The following AP5M1 variants were observed in gnomAD, a reference collection of about 807,000 sequenced individuals.
AP5M1 encodes AP-5 complex subunit mu-1.
In AP5M1, 44 loss-of-function variants were observed where a neutral mutation model predicts 52.3. The observed-to-expected ratio is 0.84, with a 90% CI of 0.66 to 1.08. AP5M1 has a LOEUF of 1.08. Ranked by LOEUF, AP5M1 falls within the 50% of genes least tolerant of loss-of-function variation. The pLI is 0.00. For synonymous variants in AP5M1, 213 were observed against 199.0 expected (o/e 1.07, Z -0.59); for missense variants, 526 against 568.4 (o/e 0.93, Z 0.76).
chr14:57,281,496 C>G (rs554974363), intron 3 of AP5M1, among the ~76,000 whole-genome samples: 1 of 152,312 alleles, frequency 6.6e-6, no homozygotes, highest in Admixed American at 6.5e-5. Flanking sequence ...TTAGTATCAG[C>G]CTGTACTCAA....
At chr14:57,277,560 T>C (rs922852302) in intron 2 of AP5M1, among the ~76,000 whole-genome samples, 1 of 152,086 alleles carries the variant, frequency 6.6e-6, no homozygotes, top group Non-Finnish European at 1.5e-5. Flanking sequence ...TTATTATTAA[T>C]GTGACTGACA....
In AP5M1 at chr14:57,286,073, G is replaced by A. The variant is rs1009157158; in HGVS notation, c.1294-150G>A. On this transcript the variant is annotated intron_variant, in intron 6 of 7. Transcript: ENST00000261558. ...TGTGTTTTTGTATATATATGTGTGCGCACACACACAATTCAAGTTTAGTAC... is the reference window on the plus strand; with the variant it reads ...TGTGTTTTTGTATATATATGTGTGCACACACACACAATTCAAGTTTAGTAC... 46 of 596,138 alleles carry A rather than the reference G, an allele frequency of 7.7e-5. 1 individual carries two copies. The highest frequency in any genetic ancestry group is 5.7e-4 in the South Asian group (28 of 48,982). The allele number at this position is 596,138 out of a possible 1,614,324, so 36.9% of individuals were successfully genotyped here.
chr14:57,283,170 C>T lies in AP5M1; in HGVS notation c.1233C>T (p.Ala411=). 1 of 1,613,730 alleles carries T rather than the reference C, an allele frequency of 6.2e-7. No homozygotes were observed. The highest frequency in any genetic ancestry group is 1.1e-5 in the South Asian group (1 of 90,988). The change falls in exon 6 of 8, where the codon GCC becomes GCT. Residue 411 remains alanine (A), a synonymous_variant. Coordinates refer to ENST00000261558, the MANE Select transcript of AP5M1 (RefSeq NM_018229.4). ...ISLSGTVTFG[A]KSHEKQPFDP... ...TTTCTGGAACTGTAACTTTTGGAGCCAAGAGCCATGAGAAGCAGCCATTTG... is the reference window on the plus strand; with the variant it reads ...TTTCTGGAACTGTAACTTTTGGAGCTAAGAGCCATGAGAAGCAGCCATTTG...
At chr14:57,270,945 A>G (rs1446938015) in intron 1 of AP5M1, among the ~76,000 whole-genome samples, 1 of 152,240 alleles carries the variant, frequency 6.6e-6, no homozygotes, top group African/African-American at 2.4e-5. Context: ...GATGATGGAA[A>G]GGAGAAATGT....
intron 1 of AP5M1, among the ~76,000 whole-genome samples, chr14:57,270,895 T>C (rs1884881008): frequency 6.6e-6 from 1 of 152,228 alleles, no homozygotes; most frequent in African/African-American, 2.4e-5. Context: ...CATGATACTT[T>C]GTGTTCATCT....
chr14:57,294,696 AAC>A lies in AP5M1; in HGVS notation c.*5818_*5819del, dbSNP rs1885513699. 6.6e-6 allele frequency: 1 copy of A among 151,930 alleles called. No individual in the cohort carries two copies. Among genetic ancestry groups the A allele is most frequent in the Admixed American group, 6.6e-5 (1 of 15,222 alleles). 9.4% of individuals were successfully genotyped at this position (151,930 alleles called of 1,614,324 possible). ...GCTCTTTAAATGTTGGAACTATAGT[AAC>A]ACACATTCCCTCACAGAAAGGAGAT... On this transcript the variant is annotated 3_prime_UTR_variant, in exon 8 of 8. Transcript: ENST00000261558.
At chr14:57,269,784 G>T (rs1884833177) in intron 1 of AP5M1, among the ~76,000 whole-genome samples, 1 of 152,128 alleles carries the variant, frequency 6.6e-6, no homozygotes, top group Admixed American at 6.5e-5. Flanking sequence ...AAAAATCCAT[G>T]CTAAGTTATA....
chr14:57,283,873 C>T (rs1470100337), intron 6 of AP5M1, among the ~76,000 whole-genome samples: 2 of 152,034 alleles, frequency 1.3e-5, no homozygotes, highest in Non-Finnish European at 2.9e-5. Flanking sequence ...TTAGTCACAG[C>T]TTTTTGGGAG....
At chr14:57,282,275 A>G (rs367982933) in intron 4 of AP5M1, 47 bp downstream of exon 4, 5 of 1,370,256 alleles carry the variant, frequency 3.6e-6, no homozygotes, top group African/African-American at 1.5e-5. Context: ...TCCTTAATAC[A>G]TTTCCACTGT....
chr14:57,269,207 G>A lies in AP5M1; in HGVS notation c.-108G>A. On this transcript the variant is annotated 5_prime_UTR_variant, in exon 1 of 8. Transcript: ENST00000261558. Reference sequence around the variant, plus strand: ...TGAGCGCGACCGGTATGCGGCGCAGGATGAGCCTCAGGGCTTCTGTTAAGA... The same window carrying A: ...TGAGCGCGACCGGTATGCGGCGCAGAATGAGCCTCAGGGCTTCTGTTAAGA... 2 of 1,063,026 alleles carry A rather than the reference G, an allele frequency of 1.9e-6. No individual in the cohort carries two copies. The highest frequency in any genetic ancestry group is 2.8e-5 in the South Asian group (2 of 70,722). 65.8% of individuals were successfully genotyped at this position (1,063,026 alleles called of 1,614,324 possible). A position where few individuals can be genotyped will look rare whatever the true frequency, so the allele number is the denominator to read the frequency against.
chr14:57,284,521 T>C (rs1458823096), intron 6 of AP5M1, among the ~76,000 whole-genome samples: 2 of 152,192 alleles, frequency 1.3e-5, no homozygotes, highest in East Asian at 1.9e-4. Context: ...GGTAATATTG[T>C]AATAAGTTAA....
At chr14:57,285,242 A>T (rs1368455577) in intron 6 of AP5M1, among the ~76,000 whole-genome samples, 2 of 152,182 alleles carry the variant, frequency 1.3e-5, no homozygotes, top group Non-Finnish European at 2.9e-5. Flanking sequence ...TGTTTCAAGG[A>T]TTATTATAAA....
Position 57,289,406 on chromosome 14 carries a change from T to C in AP5M1, c.*522T>C, listed in dbSNP as rs1316894432. 1 of 152,122 alleles carries C rather than the reference T, an allele frequency of 6.6e-6. No homozygotes were observed. The highest frequency in any genetic ancestry group is 2.4e-5 in the African/African-American group (1 of 41,436). The allele number at this position is 152,122 out of a possible 1,614,324, so 9.4% of individuals were successfully genotyped here. On this transcript the variant is annotated 3_prime_UTR_variant, in exon 8 of 8. Transcript: ENST00000261558. ...TACCAGAGACCATGTTAGAGACAAC[T>C]ACATCTCTTCAAAAAACAGCCAACA... is the stretch of plus-strand genomic sequence containing the variant.
At chr14:57,277,384 G>T (rs1885066045) in intron 2 of AP5M1, among the ~76,000 whole-genome samples, 2 of 151,792 alleles carry the variant, frequency 1.3e-5, no homozygotes, top group African/African-American at 4.8e-5. Flanking sequence ...AAATTTTAAT[G>T]GTATTTACTA....
At chr14:57,282,385 T>C (rs1373108918) in intron 4 of AP5M1, among the ~76,000 whole-genome samples, 157 bp downstream of exon 4, 1 of 152,192 alleles carries the variant, frequency 6.6e-6, no homozygotes, top group African/African-American at 2.4e-5. Flanking sequence ...GTCATAAAAA[T>C]AATCTGTTTA....
rs1358598666 is a variant in AP5M1 at position 57,289,735 on chromosome 14, A to C, written c.*851A>C. The C allele has an allele frequency of 6.6e-6, 1 of 152,004 alleles. No homozygotes were observed. Among genetic ancestry groups the C allele is most frequent in the South Asian group, 2.1e-4 (1 of 4,828 alleles). The allele number at this position is 152,004 out of a possible 1,614,324, so 9.4% of individuals were successfully genotyped here. A position where few individuals can be genotyped will look rare whatever the true frequency, so the allele number is the denominator to read the frequency against. ...TCTTGCTGTGTCTTATTAAGTTAAA[A>C]TTAATGAATGAATTCTGGTAAAAAT... On this transcript the variant is annotated 3_prime_UTR_variant, in exon 8 of 8. Coordinates refer to ENST00000261558, the MANE Select transcript of AP5M1 (RefSeq NM_018229.4).
intron 1 of AP5M1, 101 bp downstream of exon 1, chr14:57,269,489 C>A: frequency 1.7e-6 from 2 of 1,175,420 alleles, no homozygotes; most frequent in Non-Finnish European, 2.5e-6. Context: ...CGAATAGCTG[C>A]GTGACCTTGG....
At position 57,298,343 on chromosome 14, in the gene AP5M1, G is replaced by C. The variant is rs1484874652; in HGVS notation, c.*9459G>C. The C allele has an allele frequency of 2.0e-5, 3 of 152,150 alleles. No homozygotes were observed. The East Asian group carries it at 5.8e-4, about 29-fold the overall frequency. The allele number at this position is 152,150 out of a possible 1,614,324, so 9.4% of individuals were successfully genotyped here. On this transcript the variant is annotated 3_prime_UTR_variant, in exon 8 of 8. Transcript: ENST00000261558. Reference sequence around the variant, plus strand: ...CATTTCCATTAACCATAAAGGCAAAGTGGTATAGAGAAAATAATACAGTCT... The same window carrying C: ...CATTTCCATTAACCATAAAGGCAAACTGGTATAGAGAAAATAATACAGTCT...
Position 57,280,301 on chromosome 14 carries a change from ACT to A in AP5M1, c.830_831del (p.Ser277CysfsTer6), listed in dbSNP as rs754341992. The A allele has an allele frequency of 3.5e-5, 57 of 1,613,542 alleles. No individual in the cohort carries two copies. The highest frequency in any genetic ancestry group is 4.7e-5 in the Non-Finnish European group (56 of 1,179,834). On this transcript the variant is annotated frameshift_variant, in exon 3 of 8. Transcript: ENST00000261558. LOFTEE classifies it high-confidence loss of function. The stretch of plus-strand genomic sequence containing the variant: ...GTTCACCCTTGTGTAACTTCTCTTG[ACT>A]CTGCAATTCTGACTTCTAGTAGTAT...
Sources: gnomAD v4.1 joint callset for allele counts (sites outside exome capture counted in the v4.1 genomes callset) on GRCh38, gnomAD v4.1.1 for gene constraint, MANE v1.5 for transcripts, NCBI Gene and HGNC (gene_info 2026-07-23, HGNC 2026-07-21) for gene names.